CSPG5: variants seen among roughly 807,000 people sequenced by gnomAD.
The protein encoded by CSPG5 is acidic leucine-rich EGF-like domain-containing brain protein.
A neutral mutation model predicts 39.8 loss-of-function variants in CSPG5; 25 were observed. The ratio of observed to expected loss-of-function variants is 0.63; its 90% CI spans 0.46 to 0.88. The LOEUF (loss-of-function observed/expected upper bound fraction) is 0.88. CSPG5 is among the 40% of genes least tolerant of loss of function. The probability of loss-of-function intolerance (pLI) is 0.00; values close to 1 mark genes in which losing one functional copy is unlikely to be tolerated. For missense variants in CSPG5, 627 were observed against 702.2 expected, an observed-to-expected ratio of 0.89 and a Z score of 1.21; for synonymous variants, 295 against 303.9, an observed-to-expected ratio of 0.97 and a Z score of 0.31.
At chr3:47,568,886 G>T (rs62260751) in intron 4 of CSPG5, among the ~76,000 whole-genome samples, 1 of 151,952 alleles carries the variant, frequency 6.6e-6, no homozygotes, top group African/African-American at 2.4e-5. Flanking sequence ...CTTTTGTATC[G>T]AAAATTCTGC....
chr3:47,572,796 C>T lies in CSPG5; in HGVS notation c.1272G>A (p.Val424=). 6.2e-7 allele frequency: 1 copy of T among 1,614,144 alleles called. No individual in the cohort carries two copies. Among genetic ancestry groups the T allele is most frequent in the South Asian group, 1.1e-5 (1 of 91,086 alleles). ...GGACGAGGGCAGCCGAGCCCACGGC[C>T]ACGCACATCACCTGGAAGTCGGTGA... ...SIITDFQVMC[V]AVGSAALVLL... Residue 424 remains valine (V), a synonymous_variant, in exon 3 of 5, where the codon GTG becomes GTA. Transcript: ENST00000264723. The surrounding 1 kb of genome is among the most constrained non-coding windows in gnomAD (Gnocchi z 4.5).
Position 47,578,620 on chromosome 3 carries a change from A to G in CSPG5, c.74T>C (p.Val25Ala). 1 of 1,154,200 alleles carries G rather than the reference A, an allele frequency of 8.7e-7. No individual in the cohort carries two copies. Among genetic ancestry groups the G allele is most frequent in the Non-Finnish European group, 1.1e-6 (1 of 936,198 alleles). The allele number at this position is 1,154,200 out of a possible 1,614,324, so 71.5% of individuals were successfully genotyped here. A position where few individuals can be genotyped will look rare whatever the true frequency, so the allele number is the denominator to read the frequency against. Residue 25 changes from valine to alanine, a missense_variant, in exon 1 of 5, where the codon GTC becomes GCC. Val to Ala is a moderately conservative substitution (Grantham distance 64). Coordinates refer to ENST00000264723, the MANE Select transcript of CSPG5 (RefSeq NM_006574.4). The surrounding 1 kb of genome is among the most constrained non-coding windows in gnomAD (Gnocchi z 6.0). ...ACCCGGCACGGCCCCAGAGGCCAGG[A>G]CCAGCGCGGCCCCCAGAAACAGCAG... is the stretch of plus-strand genomic sequence containing the variant. The part of the protein sequence containing the change: ...PLLLFLGAAL[V>A]LASGAVPARE...
intron 4 of CSPG5, among the ~76,000 whole-genome samples, chr3:47,564,663 C>A (rs1307994034): frequency 6.6e-6 from 1 of 152,044 alleles, no homozygotes; most frequent in South Asian, 2.1e-4. Context: ...ACATAAATGT[C>A]CATCTCCTGA....
At chr3:47,569,298 C>T in intron 3 of CSPG5, 71 bp from the exon 4 acceptor site, 2 of 1,499,298 alleles carry the variant, frequency 1.3e-6, no homozygotes, top group Non-Finnish European at 9.2e-7. Context: ...AATGTCTCAG[C>T]TTCTGGATCA....
rs780861251 is a variant in CSPG5 at position 47,572,652 on chromosome 3, G to A, written c.1382+34C>T. 4 of 1,595,496 alleles carry A rather than the reference G, an allele frequency of 2.5e-6. No individual in the cohort carries two copies. In the Admixed American group the frequency reaches 5.0e-5, roughly 20 times the overall value. ...AGCGTCGGGGGGCCTCCCACACCCT[G>A]ACCTGGGTGGATGGGTGAGTGACAC... On this transcript the variant is annotated intron_variant, in intron 3 of 4. Transcript: ENST00000264723. The surrounding 1 kb of genome is among the most constrained non-coding windows in gnomAD (Gnocchi z 4.5).
chr3:47,563,848 C>T (rs755652737), intron 4 of CSPG5, among the ~76,000 whole-genome samples: 5 of 152,200 alleles, frequency 3.3e-5, no homozygotes, highest in African/African-American at 7.2e-5. Context: ...GCCACCACGC[C>T]GGCTTGAATT....
Position 47,577,216 on chromosome 3 carries a change from G to A in CSPG5, c.810C>T (p.Ser270=), listed in dbSNP as rs1037972886. The A allele has an allele frequency of 1.9e-6, 3 of 1,607,596 alleles. No individual in the cohort carries two copies. Among genetic ancestry groups the A allele is most frequent in the East Asian group, 4.5e-5 (2 of 44,682 alleles). ...FDESDFYPTT[S]FYDDLDEEEE... is the part of the protein sequence containing the mutation. The stretch of plus-strand genomic sequence containing the variant: ...CCTCTTCATCCAAGTCATCATAAAA[G>A]GATGTGGTGGGGTAGAAATCAGATT... Residue 270 remains serine (S), a synonymous_variant, in exon 2 of 5, where the codon TCC becomes TCT. Coordinates refer to ENST00000264723, the MANE Select transcript of CSPG5 (RefSeq NM_006574.4). This position sits in a 1 kb window ranked among gnomAD's most constrained non-coding sequence, Gnocchi z 4.7.
intron 2 of CSPG5, among the ~76,000 whole-genome samples, chr3:47,575,542 A>C (rs2031686945): frequency 6.6e-6 from 1 of 152,232 alleles, no homozygotes; most frequent in Non-Finnish European, 1.5e-5. Context: ...CTAAACTCTG[A>C]GTCTTTAAAA....
At chr3:47,567,227 G>A (rs1211718090) in intron 4 of CSPG5, among the ~76,000 whole-genome samples, 1 of 152,156 alleles carries the variant, frequency 6.6e-6, no homozygotes, top group Non-Finnish European at 1.5e-5. Context: ...TGAACATGCT[G>A]ACTACAGGAG....
chr3:47,568,361 C>T (rs965259612), intron 4 of CSPG5, among the ~76,000 whole-genome samples: 1 of 152,198 alleles, frequency 6.6e-6, no homozygotes, highest in Non-Finnish European at 1.5e-5. Flanking sequence ...AGGCAATACA[C>T]TAGGCCAGGG....
At position 47,578,200 on chromosome 3, in the gene CSPG5, C is replaced by T. The variant is rs2031848239; in HGVS notation, c.98-272G>A. 1.6e-5 allele frequency: 7 copies of T among 426,442 alleles called. No homozygotes were observed. The East Asian group carries it at 2.8e-4, about 17-fold the overall frequency. The allele number at this position is 426,442 out of a possible 1,614,324, so 26.4% of individuals were successfully genotyped here. Reference sequence around the variant, plus strand: ...CGCCGTCTGAAGAGCCAGGCCAGGGCGGCCCCCAGCTCGGCCCACCCATAA... The same window carrying T: ...CGCCGTCTGAAGAGCCAGGCCAGGGTGGCCCCCAGCTCGGCCCACCCATAA... On this transcript the variant is annotated intron_variant, in intron 1 of 4. Transcript: ENST00000264723. The surrounding 1 kb of genome is among the most constrained non-coding windows in gnomAD (Gnocchi z 6.0).
Position 47,578,837 on chromosome 3 carries a change from T to G in CSPG5, c.-144A>C, listed in dbSNP as rs1379664392. On this transcript the variant is annotated 5_prime_UTR_variant, in exon 1 of 5. Transcript: ENST00000264723. This position sits in a 1 kb window ranked among gnomAD's most constrained non-coding sequence, Gnocchi z 6.0. ...GAGCCGCATGCCGCCGCCGCCGCCGTCCGCCGCTGTCCCCGGCGCGCCGCG... is the reference window on the plus strand; with the variant it reads ...GAGCCGCATGCCGCCGCCGCCGCCGGCCGCCGCTGTCCCCGGCGCGCCGCG... 1 of 148,906 alleles carries G rather than the reference T, an allele frequency of 6.7e-6. No individual in the cohort carries two copies. The highest frequency in any genetic ancestry group is 2.0e-4 in the East Asian group (1 of 5,064). 9.2% of individuals were successfully genotyped at this position (148,906 alleles called of 1,614,324 possible).
At chr3:47,564,618 A>G (rs926029955) in intron 4 of CSPG5, among the ~76,000 whole-genome samples, 1 of 152,228 alleles carries the variant, frequency 6.6e-6, no homozygotes, top group African/African-American at 2.4e-5. Context: ...TTGAATGGTC[A>G]ATCACTGCTT....
intron 3 of CSPG5, among the ~76,000 whole-genome samples, chr3:47,569,711 G>A (rs530148488): frequency 5.7e-4 from 86 of 150,708 alleles, no homozygotes; most frequent in Non-Finnish European, 1.6e-4. Flanking sequence ...ATTGTACCTG[G>A]TGCTGGTTAT....
chr3:47,573,652 T>C (rs2031604359), intron 2 of CSPG5, among the ~76,000 whole-genome samples: 1 of 152,048 alleles, frequency 6.6e-6, no homozygotes, highest in Non-Finnish European at 1.5e-5. Context: ...AGAGGAAAGA[T>C]GTGGAAGGAT....
intron 2 of CSPG5, among the ~76,000 whole-genome samples, chr3:47,573,569 GC>G (rs1184241931): frequency 6.6e-6 from 1 of 152,136 alleles, no homozygotes; most frequent in Admixed American, 6.5e-5. Context: ...ACTTTCTCCT[GC>G]CCTTGGGGAC....
Position 47,578,283 on chromosome 3 carries a change from A to G in CSPG5, c.97+314T>C. ...TCCACTGGCTCCCGCCCTCAGCTCC[A>G]GGTCCCGCCCCGAAGTCTCACCCTC... On this transcript the variant is annotated intron_variant, in intron 1 of 4. Coordinates refer to ENST00000264723, the MANE Select transcript of CSPG5 (RefSeq NM_006574.4). The surrounding 1 kb of genome is among the most constrained non-coding windows in gnomAD (Gnocchi z 6.0). The G allele has an allele frequency of 4.1e-6, 1 of 241,614 alleles. No homozygotes were observed. 15.0% of individuals were successfully genotyped at this position (241,614 alleles called of 1,614,324 possible).
Position 47,562,677 on chromosome 3 carries a change from T to C in CSPG5, c.1543A>G (p.Met515Val), listed in dbSNP as rs1483113405. ...TTGCCACCCTCAAGTTTGGGCGACATGGAGTTCTGGATGTTAAATGACTCC... is the reference window on the plus strand; with the variant it reads ...TTGCCACCCTCAAGTTTGGGCGACACGGAGTTCTGGATGTTAAATGACTCC... ...EEESFNIQNSMSPKLEGGKGD... is the reference protein window; with the variant it reads ...EEESFNIQNSVSPKLEGGKGD... Residue 515 changes from methionine (M) to valine (V), a missense_variant, in exon 5 of 5, where the codon ATG becomes GTG. By Grantham distance (21) the Met-to-Val change is conservative. Transcript: ENST00000264723. 6.2e-7 allele frequency: 1 copy of C among 1,613,814 alleles called. No individual in the cohort carries two copies. The highest frequency in any genetic ancestry group is 8.5e-7 in the Non-Finnish European group (1 of 1,179,954).
Position 47,577,103 on chromosome 3 carries a change from C to T in CSPG5, c.923G>A (p.Gly308Asp), listed in dbSNP as rs201571337. The change falls in exon 2 of 5, where the codon GGT becomes GAT. Residue 308 changes from glycine (G) to aspartate (D), a missense_variant. Transcript: ENST00000264723. This position sits in a 1 kb window ranked among gnomAD's most constrained non-coding sequence, Gnocchi z 4.7. ...GGGCTGGCCTGTCCCGGGCCCCAGA[C>T]CAGGCTTCCCAGTGGGCACTAGAAG... ...NELLVPTGKP[G>D]LGPGTGQPTS... 5.0e-6 allele frequency: 8 copies of T among 1,613,892 alleles called. No individual in the cohort carries two copies. The East Asian group carries it at 1.6e-4, about 31-fold the overall frequency.
Sources: gnomAD v4.1 joint callset for allele counts (sites outside exome capture counted in the v4.1 genomes callset) on GRCh38, gnomAD v4.1.1 for gene constraint, Gnocchi (gnomAD v3.1) non-coding constraint, MANE v1.5 for transcripts, NCBI Gene and HGNC (gene_info 2026-07-23, HGNC 2026-07-21) for gene names.